MPHOSPH9: variants seen among roughly 807,000 people sequenced by gnomAD.
MPHOSPH9 encodes M-phase phosphoprotein 9.
In MPHOSPH9, 88 loss-of-function variants were observed where a neutral mutation model predicts 145.5. The observed-to-expected ratio is 0.60, with a 90% CI of 0.51 to 0.72. The LOEUF (loss-of-function observed/expected upper bound fraction) is 0.72, where lower values mean the gene tolerates loss of function less well. Ranked by LOEUF, MPHOSPH9 falls within the 30% of genes least tolerant of loss-of-function variation. The pLI, the probability that MPHOSPH9 is intolerant of heterozygous loss-of-function variation, is 0.00. For missense variants in MPHOSPH9, 1,238 were observed against 1,386.6 expected (o/e 0.89, Z 1.70); for synonymous variants, 435 against 486.2 (o/e 0.89, Z 1.39).
At chr12:123,154,064 T>G (rs1005250777), downstream of MPHOSPH9, among the ~76,000 whole-genome samples, 1 of 152,100 alleles carries the variant, frequency 6.6e-6, no homozygotes, top group Non-Finnish European at 1.5e-5. Context: ...GTCCTTCAGT[T>G]GCAAAGACCA....
chr12:123,164,200 A>G (rs967887494), intron 18 of MPHOSPH9, 110 bp from the exon 19 acceptor site: 3 of 1,253,336 alleles, frequency 2.4e-6, no homozygotes, highest in African/African-American at 1.5e-5. Flanking sequence ...ACCAAGCCCC[A>G]CAGCTTAGGT....
At chr12:123,186,133 G>A (rs957286908) in intron 13 of MPHOSPH9, among the ~76,000 whole-genome samples, 8 of 151,310 alleles carry the variant, frequency 5.3e-5, no homozygotes, top group Non-Finnish European at 1.0e-4. Flanking sequence ...AGGCTGAGGC[G>A]GGAGCATTGC....
chr12:123,228,028 T>C (rs890512578), intron 2 of MPHOSPH9, among the ~76,000 whole-genome samples: 2 of 152,176 alleles, frequency 1.3e-5, no homozygotes, highest in Non-Finnish European at 2.9e-5. Context: ...TCAAATCTTG[T>C]TCACTGGACA....
chr12:123,161,941 G>A (rs2044127060), intron 21 of MPHOSPH9, among the ~76,000 whole-genome samples, 174 bp downstream of exon 21: 1 of 152,086 alleles, frequency 6.6e-6, no homozygotes, highest in African/African-American at 2.4e-5. Context: ...TTTTCAATGA[G>A]GATAACAACA....
intron 16 of MPHOSPH9, among the ~76,000 whole-genome samples, chr12:123,174,195 A>G (rs2044722659): frequency 6.6e-6 from 1 of 152,230 alleles, no homozygotes; most frequent in Middle Eastern, 3.4e-3. Flanking sequence ...TTTTGCACTC[A>G]ATACCGGTGG....
At position 123,163,140 on chromosome 12, in the gene MPHOSPH9, GA is replaced by G; in HGVS notation, c.2909-7del. On this transcript the variant is annotated splice_polypyrimidine_tract_variant and splice_region_variant and intron_variant, in intron 19 of 23. Transcript: ENST00000606320. The stretch of plus-strand genomic sequence containing the variant: ...TAGCATAATCTCTCTTTTTGCTATA[GA>G]AGAAAATGAAGAGGAAATATTCTTT... 6.4e-7 allele frequency: 1 copy of G among 1,568,812 alleles called. No individual in the cohort carries two copies. The highest frequency in any genetic ancestry group is 1.2e-5 in the South Asian group (1 of 81,852).
intron 17 of MPHOSPH9, 176 bp from the exon 18 acceptor site, chr12:123,165,653 G>T: frequency 1.8e-6 from 1 of 557,860 alleles, no homozygotes; most frequent in Admixed American, 3.1e-5. Context: ...AAGCCTCCAA[G>T]ATGGGATTAA....
In MPHOSPH9 at chr12:123,166,738, T is replaced by G; in HGVS notation, c.2508A>C (p.Ala836=). 6.2e-7 allele frequency: 1 copy of G among 1,614,104 alleles called. No individual in the cohort carries two copies. Among genetic ancestry groups the G allele is most frequent in the East Asian group, 2.2e-5 (1 of 44,882 alleles). Residue 836 remains alanine, a synonymous_variant, in exon 17 of 24, where the codon GCA becomes GCC. Transcript: ENST00000606320. ...VSRRKWLIPG[A]EYSIFTGQPL... is the part of the protein sequence containing the mutation. Reference sequence around the variant, plus strand: ...GCTGGCCAGTAAAGATGGAATACTCTGCACCTGGAATCAGCCATTTCCGCC... The same window carrying G: ...GCTGGCCAGTAAAGATGGAATACTCGGCACCTGGAATCAGCCATTTCCGCC...
intron 8 of MPHOSPH9, among the ~76,000 whole-genome samples, chr12:123,204,284 A>G (rs1034623951): frequency 6.9e-6 from 1 of 145,910 alleles, no homozygotes; most frequent in Non-Finnish European, 1.5e-5. Flanking sequence ...CCTGCGCAAC[A>G]AGAGCGAAAC....
upstream of MPHOSPH9, among the ~76,000 whole-genome samples, chr12:123,234,332 C>G (rs1727331): frequency 0.6 from 90,994 of 151,304 alleles, 31,062 homozygotes; most frequent in Non-Finnish European, 0.75. Context: ...TGCCAGGAGG[C>G]GTTACATCTC....
intron 16 of MPHOSPH9, among the ~76,000 whole-genome samples, chr12:123,171,517 G>A (rs2044580465): frequency 6.6e-6 from 1 of 151,728 alleles, no homozygotes; most frequent in Non-Finnish European, 1.5e-5. Context: ...GGGAGGCTGA[G>A]GTGGGCGGAT....
intron 5 of MPHOSPH9, among the ~76,000 whole-genome samples, chr12:123,220,919 G>A (rs917468089): frequency 2.6e-5 from 4 of 152,122 alleles, no homozygotes; most frequent in Non-Finnish European, 4.4e-5. Flanking sequence ...GCCTGGCGTG[G>A]TGGCGGGTGC....
intron 17 of MPHOSPH9, 112 bp from the exon 18 acceptor site, chr12:123,165,589 T>A: frequency 1.0e-6 from 1 of 1,000,740 alleles, no homozygotes; most frequent in Non-Finnish European, 1.5e-6. Context: ...TGTGATGGTG[T>A]GTGGAGGTGG....
intron 20 of MPHOSPH9, chr12:123,162,620 C>T (rs976597028): frequency 3.8e-5 from 7 of 186,442 alleles, no homozygotes; most frequent in South Asian, 1.7e-4. Context: ...GCCCACACTT[C>T]GGAGGGGACA....
intron 13 of MPHOSPH9, among the ~76,000 whole-genome samples, chr12:123,184,633 G>T (rs952476706): frequency 6.6e-6 from 1 of 151,760 alleles, no homozygotes; most frequent in Non-Finnish European, 1.5e-5. Flanking sequence ...GAGTAGCTGG[G>T]ACTACAGGCA....
Position 123,157,673 on chromosome 12 carries a change from G to C in MPHOSPH9, c.3451-765C>G, listed in dbSNP as rs1727312. 2.0e-5 allele frequency among the ~76,000 whole-genome samples: 3 copies of C among 151,468 alleles called. No homozygotes were observed. The South Asian group carries it at 6.3e-4, about 32-fold the overall frequency. ...TTTTAAACATTTTTTTTTTTGCAGAGACAAGATCTCACTATGTCACCCAGG... is the reference window on the plus strand; with the variant it reads ...TTTTAAACATTTTTTTTTTTGCAGACACAAGATCTCACTATGTCACCCAGG... On this transcript the variant is annotated intron_variant, in intron 23 of 23. Coordinates refer to ENST00000606320, the MANE Select transcript of MPHOSPH9 (RefSeq NM_022782.4).
chr12:123,211,371 C>T (rs10744148), intron 7 of MPHOSPH9, among the ~76,000 whole-genome samples: 97,670 of 151,884 alleles, frequency 0.64, 35,853 homozygotes, highest in East Asian at 1. Context: ...TCCTCCCGCC[C>T]CGGCCTCCCA....
At chr12:123,204,667 G>A (rs2138379614) in intron 8 of MPHOSPH9, among the ~76,000 whole-genome samples, 1 of 152,260 alleles carries the variant, frequency 6.6e-6, no homozygotes, top group African/African-American at 2.4e-5. Flanking sequence ...CTGAGGTCGG[G>A]AGTTCGAGAC....
At chr12:123,203,197 T>TTA in intron 9 of MPHOSPH9, 53 bp downstream of exon 9, 1 of 1,600,776 alleles carries the variant, frequency 6.2e-7, no homozygotes, top group Non-Finnish European at 8.5e-7. Flanking sequence ...AGGTAAAAGT[T>TTA]AGAGTCAGGA....
Sources: gnomAD v4.1 joint callset for allele counts (sites outside exome capture counted in the v4.1 genomes callset) on GRCh38, gnomAD v4.1.1 for gene constraint, MANE v1.5 for transcripts, NCBI Gene and HGNC (gene_info 2026-07-23, HGNC 2026-07-21) for gene names.